CFH: variants seen among roughly 807,000 people sequenced by gnomAD.
The protein encoded by CFH is H factor 1 (complement).
Under a neutral mutation model 147.3 loss-of-function variants are expected in CFH, and 53 were observed. The ratio of observed to expected loss-of-function variants is 0.36; its 90% CI spans 0.29 to 0.45. The LOEUF (loss-of-function observed/expected upper bound fraction) is 0.45, where lower values mean the gene tolerates loss of function less well. Among genes scored for constraint, CFH ranks in the 20% least tolerant of loss-of-function variants. The pLI is 1.00. For synonymous variants in CFH, 536 were observed against 489.4 expected (o/e 1.10, Z -1.26); for missense variants, 1,380 against 1,498.0 (o/e 0.92, Z 1.30).
chr1:196,715,785 T>G lies in CFH; in HGVS notation c.1696+16T>G. On this transcript the variant is annotated intron_variant, in intron 11 of 21. Coordinates refer to ENST00000367429, the MANE Select transcript of CFH (RefSeq NM_000186.4). ...ATATGTTATGGTAAGTACTGGTTTT[T>G]CAGAAATTCATTTTCAAAATGAAAA... 2.5e-6 allele frequency: 4 copies of G among 1,575,286 alleles called. 1 individual carries two copies. The highest frequency in any genetic ancestry group is 3.5e-6 in the Non-Finnish European group (4 of 1,158,302).
intron 9 of CFH, among the ~76,000 whole-genome samples, chr1:196,708,645 G>A (rs1668651851): frequency 6.6e-6 from 1 of 151,934 alleles, no homozygotes; most frequent in Admixed American, 6.6e-5. Context: ...ACCCTTGAGG[G>A]CTTTACCTGT....
chr1:196,696,513 GATC>G (rs1448573632), intron 9 of CFH, among the ~76,000 whole-genome samples: 1 of 152,112 alleles, frequency 6.6e-6, no homozygotes, highest in East Asian at 1.9e-4. Flanking sequence ...AAGTGGGAAA[GATC>G]TAAACTTGAC....
At chr1:196,657,182 A>G (rs1484453205) in intron 1 of CFH, among the ~76,000 whole-genome samples, 1 of 151,962 alleles carries the variant, frequency 6.6e-6, no homozygotes, top group East Asian at 1.9e-4. Flanking sequence ...TAAGTGTGAC[A>G]TAATCTCTAT....
At chr1:196,670,885 C>T (rs1309206748) in intron 1 of CFH, among the ~76,000 whole-genome samples, 1 of 152,112 alleles carries the variant, frequency 6.6e-6, no homozygotes, top group Non-Finnish European at 1.5e-5. Context: ...TCAAATATTG[C>T]CTATGTTCAT....
intron 21 of CFH, among the ~76,000 whole-genome samples, chr1:196,746,552 T>C (rs397833214): frequency 2.0e-5 from 3 of 152,376 alleles, no homozygotes; most frequent in African/African-American, 7.2e-5. Context: ...TGACAATATG[T>C]TGTTTTGATA....
intron 15 of CFH, among the ~76,000 whole-genome samples, chr1:196,731,063 A>G (rs1167482432): frequency 6.6e-6 from 1 of 151,802 alleles, no homozygotes; most frequent in African/African-American, 2.4e-5. Flanking sequence ...AATATATTCC[A>G]TTTCCATTTA....
intron 1 of CFH, 56 bp from the exon 2 acceptor site, chr1:196,672,922 A>G (rs905147492): frequency 2.5e-5 from 36 of 1,433,598 alleles, no homozygotes; most frequent in Non-Finnish European, 3.5e-5. Context: ...TTACCTAAAT[A>G]TACTGTACAT....
intron 9 of CFH, among the ~76,000 whole-genome samples, chr1:196,700,368 A>C (rs1668413770): frequency 6.6e-6 from 1 of 152,084 alleles, no homozygotes; most frequent in Non-Finnish European, 1.5e-5. Flanking sequence ...AATTCATGGC[A>C]AGCACCCAGA....
At chr1:196,701,186 AGT>A (rs971931102) in intron 9 of CFH, 1 of 1,177,754 alleles carries the variant, frequency 8.5e-7, no homozygotes, top group African/African-American at 1.5e-5. Context: ...AGAAATTACT[AGT>A]GGAAGAAATT....
intron 1 of CFH, among the ~76,000 whole-genome samples, chr1:196,662,815 G>A (rs1226503439): frequency 2.0e-5 from 3 of 152,022 alleles, no homozygotes; most frequent in African/African-American, 4.8e-5. Context: ...CAGGGGGTCA[G>A]GGTCGCAGCG....
chr1:196,676,365 T>G (rs1226652546), intron 4 of CFH, among the ~76,000 whole-genome samples: 1 of 152,084 alleles, frequency 6.6e-6, no homozygotes, highest in Non-Finnish European at 1.5e-5. Context: ...CATCATTAGC[T>G]AAATAAAGAC....
At chr1:196,718,479 C>T (rs1668924028) in intron 11 of CFH, among the ~76,000 whole-genome samples, 1 of 152,030 alleles carries the variant, frequency 6.6e-6, no homozygotes, top group Non-Finnish European at 1.5e-5. Context: ...ATCATAAAAT[C>T]TGAATCCTGG....
In CFH at chr1:196,737,649, C is replaced by T. The variant is rs781020801; in HGVS notation, c.2771C>T (p.Pro924Leu). 1.2e-6 allele frequency: 2 copies of T among 1,613,146 alleles called. No homozygotes were observed. Among genetic ancestry groups the T allele is most frequent in the East Asian group, 4.5e-5 (2 of 44,716 alleles). ...TACATGGGAAAATGGAGTTCTCCACCTCAGTGTGAAGGTTAGGCCAATATG... is the reference window on the plus strand; with the variant it reads ...TACATGGGAAAATGGAGTTCTCCACTTCAGTGTGAAGGTTAGGCCAATATG... ...TCYMGKWSSP[P>L]QCEGLPCKSP... The change falls in exon 17 of 22, where the codon CCT becomes CTT. Residue 924 changes from proline (P) to leucine (L), a missense_variant. Physicochemically the swap from Pro to Leu is moderately conservative, Grantham distance 98. Coordinates refer to ENST00000367429, the MANE Select transcript of CFH (RefSeq NM_000186.4).
At chr1:196,691,665 CTT>C (rs1307828145) in intron 9 of CFH, among the ~76,000 whole-genome samples, 2 of 151,744 alleles carry the variant, frequency 1.3e-5, no homozygotes, top group Non-Finnish European at 2.9e-5. Flanking sequence ...TATAAAATCT[CTT>C]TTAATTATAC....
At chr1:196,674,058 G>T in intron 3 of CFH, 96 bp downstream of exon 3, 2 of 878,376 alleles carry the variant, frequency 2.3e-6, no homozygotes, top group Non-Finnish European at 3.6e-6. Context: ...TTTTCTATGA[G>T]CATTTAAAAA....
At chr1:196,722,799 T>A (rs988529054) in intron 11 of CFH, among the ~76,000 whole-genome samples, 2 of 152,166 alleles carry the variant, frequency 1.3e-5, no homozygotes, top group African/African-American at 4.8e-5. Context: ...TATTTTTGTC[T>A]GACAGGGTTA....
intron 6 of CFH, among the ~76,000 whole-genome samples, chr1:196,681,593 A>G (rs977847452): frequency 6.6e-6 from 1 of 151,800 alleles, no homozygotes; most frequent in East Asian, 1.9e-4. Context: ...ATTCAATACT[A>G]TGCTTGCAGG....
At chr1:196,655,570 C>T (rs1666658264) in intron 1 of CFH, among the ~76,000 whole-genome samples, 1 of 152,160 alleles carries the variant, frequency 6.6e-6, no homozygotes, top group South Asian at 2.1e-4. Flanking sequence ...AGATCTGAGC[C>T]AGTCTACATT....
At chr1:196,697,859 ATGGATGAAGC>A (rs1032289751) in intron 9 of CFH, among the ~76,000 whole-genome samples, 8 of 152,110 alleles carry the variant, frequency 5.3e-5, no homozygotes, top group Non-Finnish European at 1.0e-4. Context: ...TTGTAGGGAC[ATGGATGAAGC>A]TGGAAACCAT....
Sources: gnomAD v4.1 joint callset for allele counts (sites outside exome capture counted in the v4.1 genomes callset) on GRCh38, gnomAD v4.1.1 for gene constraint, MANE v1.5 for transcripts, NCBI Gene and HGNC (gene_info 2026-07-23, HGNC 2026-07-21) for gene names.